Variants in LCORL observed in about 807,000 individuals in gnomAD.
The protein encoded by LCORL is ligand-dependent nuclear receptor corepressor-like protein.
In LCORL, 41 loss-of-function variants were observed where a neutral mutation model predicts 141.8. The observed-to-expected ratio is 0.29, with a 90% CI of 0.23 to 0.38. The LOEUF (loss-of-function observed/expected upper bound fraction) is 0.38, where lower values mean the gene tolerates loss of function less well. LCORL is among the 10% of genes least tolerant of loss of function. The pLI is 1.00. For missense variants in LCORL, 1,759 were observed against 2,035.0 expected, an observed-to-expected ratio of 0.86 and a Z score of 2.61; for synonymous variants, 618 against 694.1, an observed-to-expected ratio of 0.89 and a Z score of 1.72.
chr4:18,019,743 T>G (rs547924620), intron 1 of LCORL, among the ~76,000 whole-genome samples: 1 of 152,314 alleles, frequency 6.6e-6, no homozygotes, highest in East Asian at 1.9e-4. Context: ...CAAATCACTT[T>G]GTGCCTTGAC....
At chr4:17,973,652 G>C (rs561758796) in intron 1 of LCORL, among the ~76,000 whole-genome samples, 10 of 151,916 alleles carry the variant, frequency 6.6e-5, no homozygotes, top group East Asian at 1.9e-4. Context: ...GCCGTGTGTG[G>C]ATTTGGGAGG....
At chr4:18,017,452 G>A (rs1405674080) in intron 1 of LCORL, among the ~76,000 whole-genome samples, 1 of 152,034 alleles carries the variant, frequency 6.6e-6, no homozygotes, top group Admixed American at 6.6e-5. Context: ...AATTTTCAAA[G>A]CTAACATCAC....
chr4:17,876,856 A>C (rs1726976828), exon 7 of LCORL: 1 of 1,230,652 alleles, frequency 8.1e-7, no homozygotes, highest in Admixed American at 4.2e-5. Context: ...TTAAAAGACA[A>C]GTTAGTTTCT....
intron 4 of LCORL, among the ~76,000 whole-genome samples, chr4:17,937,030 T>C (rs902926781): frequency 6.6e-6 from 1 of 152,190 alleles, no homozygotes; most frequent in Non-Finnish European, 1.5e-5. Flanking sequence ...GTAATTTACA[T>C]ATAGGGCTAA....
chr4:17,884,128 A>G lies in LCORL; in HGVS notation c.776+1940T>C. On this transcript the variant is annotated intron_variant, in intron 6 of 7. Coordinates refer to ENST00000635767, the Ensembl canonical transcript of LCORL. This position sits in a 1 kb window ranked among gnomAD's most constrained non-coding sequence, Gnocchi z 4.4. ...CAACACTTGAGTGAGTTACAGGCCC[A>G]GAACATTCTATTTTGTTCTGTTTAG... 1 of 1,550,768 alleles carries G rather than the reference A, an allele frequency of 6.4e-7. No homozygotes were observed. Among genetic ancestry groups the G allele is most frequent in the Non-Finnish European group, 8.7e-7 (1 of 1,146,374 alleles).
intron 5 of LCORL, among the ~76,000 whole-genome samples, chr4:17,891,474 T>C (rs967106213): frequency 2.6e-5 from 4 of 152,154 alleles, no homozygotes; most frequent in South Asian, 2.1e-4. Flanking sequence ...TAAAAAGATA[T>C]ACCGTAGATT....
chr4:17,906,218 C>A (rs1731588132), intron 5 of LCORL, among the ~76,000 whole-genome samples: 1 of 152,128 alleles, frequency 6.6e-6, no homozygotes, highest in South Asian at 2.1e-4. Flanking sequence ...GTTTGGTATG[C>A]AAGTAGACAA....
intron 7 of LCORL, among the ~76,000 whole-genome samples, chr4:17,857,571 G>C (rs900573048): frequency 1.3e-5 from 2 of 152,074 alleles, no homozygotes; most frequent in Non-Finnish European, 2.9e-5. Flanking sequence ...AATTGTTTTG[G>C]GGGGCTGTGC....
chr4:17,892,321 G>C (rs574316235), intron 5 of LCORL, among the ~76,000 whole-genome samples: 1 of 148,176 alleles, frequency 6.7e-6, no homozygotes, highest in South Asian at 2.1e-4. Flanking sequence ...TGATTCTCCT[G>C]CCTCAGCCTC....
At chr4:17,903,910 G>C (rs1731241347) in intron 5 of LCORL, among the ~76,000 whole-genome samples, 1 of 151,888 alleles carries the variant, frequency 6.6e-6, no homozygotes, top group African/African-American at 2.4e-5. Context: ...CTATGTCAAA[G>C]GACTAGAGTT....
At chr4:18,004,268 T>C (rs1035082330) in intron 1 of LCORL, among the ~76,000 whole-genome samples, 3 of 152,208 alleles carry the variant, frequency 2.0e-5, no homozygotes, top group Non-Finnish European at 2.9e-5. Flanking sequence ...GATTTCACAT[T>C]GTACTAGCCC....
intron 1 of LCORL, among the ~76,000 whole-genome samples, chr4:17,999,449 C>A (rs1490269611): frequency 1.3e-5 from 2 of 148,720 alleles, no homozygotes; most frequent in Admixed American, 1.3e-4. Flanking sequence ...AAGACTCCGT[C>A]TCACAAAAAA....
intron 4 of LCORL, among the ~76,000 whole-genome samples, chr4:17,938,131 G>A (rs1205790630): frequency 5.4e-5 from 8 of 149,462 alleles, no homozygotes; most frequent in Admixed American, 2.0e-4. Flanking sequence ...TCAGCCTCCC[G>A]AGTAGCTGGG....
chr4:17,874,536 A>G, exon 7 of LCORL: 1 of 1,233,774 alleles, frequency 8.1e-7, no homozygotes, highest in Non-Finnish European at 1.0e-6. Flanking sequence ...TTCAAGTTCT[A>G]AAAGACAAGT....
intron 1 of LCORL, among the ~76,000 whole-genome samples, chr4:18,015,782 T>C (rs1477906738): frequency 6.7e-6 from 1 of 150,184 alleles, no homozygotes; most frequent in East Asian, 1.9e-4. Flanking sequence ...ATCCAGAAAG[T>C]AGCAACAAGT....
intron 2 of LCORL, among the ~76,000 whole-genome samples, chr4:17,965,606 T>C (rs1471840584): frequency 6.6e-6 from 1 of 152,160 alleles, no homozygotes; most frequent in Non-Finnish European, 1.5e-5. Flanking sequence ...ATATATACTC[T>C]TATAGTTAAA....
chr4:17,860,023 A>C (rs1441645635), intron 7 of LCORL, among the ~76,000 whole-genome samples: 2 of 152,202 alleles, frequency 1.3e-5, no homozygotes, highest in Admixed American at 6.5e-5. Flanking sequence ...GGGTAAGAAA[A>C]ATCAATATTG....
At chr4:17,975,526 A>G (rs1716776135) in intron 1 of LCORL, among the ~76,000 whole-genome samples, 2 of 151,600 alleles carry the variant, frequency 1.3e-5, no homozygotes, top group Admixed American at 1.3e-4. Flanking sequence ...CCTCCTGAGG[A>G]GCTAGGACTA....
chr4:17,911,295 A>C lies in LCORL; in HGVS notation c.431-1950T>G, dbSNP rs550072873. Among the ~76,000 whole-genome samples, 10 of 151,976 alleles carry C rather than the reference A, an allele frequency of 6.6e-5. No homozygotes were observed. In the East Asian group the frequency reaches 1.9e-3, roughly 29 times the overall value. ...TAAATCACCAAATGGCAAATAAGTA[A>C]AAGTACGAGGGGTCTTCAAAGTTCA... On this transcript the variant is annotated intron_variant, in intron 4 of 7. Coordinates refer to ENST00000635767, the Ensembl canonical transcript of LCORL.
Sources: allele counts gnomAD v4.1 joint callset (sites outside exome capture counted in the v4.1 genomes callset), GRCh38; gene constraint gnomAD v4.1.1; non-coding constraint Gnocchi (gnomAD v3.1); transcripts MANE v1.5; gene names NCBI Gene and HGNC (gene_info 2026-07-23, HGNC 2026-07-21).